The following SAMD5 variants were observed in gnomAD, a reference collection of about 807,000 sequenced individuals.
The protein encoded by SAMD5 is sterile alpha motif domain-containing protein 5.
A neutral mutation model predicts 11.3 loss-of-function variants in SAMD5; 13 were observed. The ratio of observed to expected loss-of-function variants is 1.15; its 90% CI spans 0.75 to 1.83. The LOEUF is 1.83. Among genes scored for constraint, SAMD5 ranks in the 40% most tolerant of loss-of-function variants. SAMD5 has a pLI of 0.00. For missense variants in SAMD5, 255 were observed against 239.1 expected, an observed-to-expected ratio of 1.07 and a Z score of -0.44; for synonymous variants, 129 against 111.3, an observed-to-expected ratio of 1.16 and a Z score of -1.00.
At chr6:147,665,185 A>C (rs1423602283) in intron 1 of SAMD5, among the ~76,000 whole-genome samples, 1 of 152,248 alleles carries the variant, frequency 6.6e-6, no homozygotes, top group Non-Finnish European at 1.5e-5. Context: ...ACATAGTTTA[A>C]TGTAGTTCAT....
At chr6:147,904,031 T>C in the SAMD5 span, among the ~76,000 whole-genome samples, 1 of 152,108 alleles carries the variant, frequency 6.6e-6, no homozygotes, top group Non-Finnish European at 1.5e-5. Flanking sequence ...CTGTACAAAA[T>C]GTTGCTGTAC....
chr6:147,829,223 G>T, the SAMD5 span, among the ~76,000 whole-genome samples: 10 of 152,194 alleles, frequency 6.6e-5, no homozygotes, highest in East Asian at 1.9e-3. Context: ...AGCCAGTGGA[G>T]CAAATACAGT....
At chr6:147,535,399 T>A (rs574823585) in intron 1 of SAMD5, among the ~76,000 whole-genome samples, 7 of 152,372 alleles carry the variant, frequency 4.6e-5, no homozygotes, top group African/African-American at 1.4e-4. Context: ...AAGCAAAGAT[T>A]TGAAAACATT....
the SAMD5 span, among the ~76,000 whole-genome samples, chr6:147,757,104 A>G: frequency 6.6e-6 from 1 of 152,350 alleles, no homozygotes; most frequent in East Asian, 1.9e-4. Context: ...TCGTTGAAAC[A>G]TGCTGCCATA....
intron 1 of SAMD5, among the ~76,000 whole-genome samples, chr6:147,562,063 A>T (rs1366038483): frequency 6.6e-6 from 1 of 152,202 alleles, no homozygotes; most frequent in Admixed American, 6.5e-5. Context: ...GTTTTTGTGG[A>T]ATCAGAGGCA....
chr6:147,728,281 G>A (rs1027007255), intron 1 of SAMD5, among the ~76,000 whole-genome samples: 2 of 152,050 alleles, frequency 1.3e-5, no homozygotes, highest in Admixed American at 6.6e-5. Flanking sequence ...AGCCAGACAC[G>A]GTCTTGTATG....
intron 1 of SAMD5, among the ~76,000 whole-genome samples, chr6:147,633,855 T>C (rs1790186843): frequency 6.6e-6 from 1 of 152,280 alleles, no homozygotes; most frequent in South Asian, 2.1e-4. Context: ...AATTCACCTG[T>C]TTTAAAGTAT....
the SAMD5 span, among the ~76,000 whole-genome samples, chr6:147,885,872 C>T: frequency 7.4e-4 from 112 of 152,134 alleles, no homozygotes; most frequent in African/African-American, 2.5e-3. Context: ...CTGTGGGCAG[C>T]GAAACAGCCA....
At position 147,567,341 on chromosome 6, in the gene SAMD5, C is replaced by A; in HGVS notation, c.*2885C>A. 1.0e-6 allele frequency: 1 copy of A among 985,010 alleles called. No individual in the cohort carries two copies. The highest frequency in any genetic ancestry group is 1.2e-6 in the Non-Finnish European group (1 of 829,626). The allele number at this position is 985,010 out of a possible 1,614,324, so 61.0% of individuals were successfully genotyped here. A position where few individuals can be genotyped will look rare whatever the true frequency, so the allele number is the denominator to read the frequency against. On this transcript the variant is annotated 3_prime_UTR_variant, in exon 2 of 2. Transcript: ENST00000367474. Reference sequence around the variant, plus strand: ...ATATTTATAGCATCTTGGTGTTATGCAATAAACAATGACAACAACAAGCAT... The same window carrying A: ...ATATTTATAGCATCTTGGTGTTATGAAATAAACAATGACAACAACAAGCAT...
the SAMD5 span, among the ~76,000 whole-genome samples, chr6:147,853,349 C>T: frequency 2.6e-5 from 4 of 151,900 alleles, no homozygotes; most frequent in Non-Finnish European, 5.9e-5. Context: ...GCTTTGGGCT[C>T]CTTTGAAACT....
the SAMD5 span, among the ~76,000 whole-genome samples, chr6:147,763,054 T>C: frequency 2.0e-5 from 3 of 152,078 alleles, no homozygotes; most frequent in Non-Finnish European, 2.9e-5. Context: ...CACATACCAA[T>C]GCCCCATTCC....
the SAMD5 span, among the ~76,000 whole-genome samples, chr6:147,838,651 G>A: frequency 6.6e-6 from 1 of 151,564 alleles, no homozygotes; most frequent in Non-Finnish European, 1.5e-5. Context: ...CTGAAGGAGT[G>A]AGACCACCTT....
At chr6:147,949,146 CA>C in the SAMD5 span, among the ~76,000 whole-genome samples, 1 of 152,174 alleles carries the variant, frequency 6.6e-6, no homozygotes, top group South Asian at 2.1e-4. Flanking sequence ...TTTAAATTGA[CA>C]AAGTTAGCCC....
At chr6:147,950,569 G>C in the SAMD5 span, among the ~76,000 whole-genome samples, 2 of 152,164 alleles carry the variant, frequency 1.3e-5, no homozygotes, top group African/African-American at 4.8e-5. Flanking sequence ...CAGGCTGTCA[G>C]GGACAGTTCA....
rs138611386 is a variant in SAMD5, at chr6:147,642,966, C to T, written c.163-94351C>T. On this transcript the variant is annotated intron_variant, in intron 1 of 1. Coordinates refer to the SAMD5 transcript ENST00000566741. ...AGAAGCACATGCCACTGAGGTGTGC[C>T]TAATTCTGCGAAAATAACTGTTACT... Among the ~76,000 whole-genome samples the T allele has an allele frequency of 3.9e-5, 6 of 152,276 alleles. No homozygotes were observed. In the East Asian group the frequency reaches 1.2e-3, roughly 29 times the overall value.
intron 1 of SAMD5, among the ~76,000 whole-genome samples, chr6:147,563,055 A>G (rs1044024355): frequency 1.3e-5 from 2 of 152,192 alleles, no homozygotes; most frequent in African/African-American, 2.4e-5. Context: ...TGAATATATT[A>G]AATAGTAGTA....
At chr6:147,562,369 G>A (rs1788965000) in intron 1 of SAMD5, among the ~76,000 whole-genome samples, 1 of 152,168 alleles carries the variant, frequency 6.6e-6, no homozygotes, top group African/African-American at 2.4e-5. Flanking sequence ...TCTTCTCTTG[G>A]AAGTAGTCTT....
chr6:147,530,182 TG>T (rs1788406944), intron 1 of SAMD5, among the ~76,000 whole-genome samples: 1 of 152,258 alleles, frequency 6.6e-6, no homozygotes, highest in Admixed American at 6.5e-5. Flanking sequence ...ATTTATTTTT[TG>T]TGTTTGAGAT....
intron 1 of SAMD5, among the ~76,000 whole-genome samples, chr6:147,734,572 C>G (rs1176985496): frequency 4.0e-5 from 6 of 151,258 alleles, no homozygotes; most frequent in Non-Finnish European, 8.9e-5. Flanking sequence ...AAAAATAATC[C>G]GGGCGTGTTG....
Sources: gnomAD v4.1 joint callset for allele counts (sites outside exome capture counted in the v4.1 genomes callset) on GRCh38, gnomAD v4.1.1 for gene constraint, MANE v1.5 for transcripts, NCBI Gene and HGNC (gene_info 2026-07-23, HGNC 2026-07-21) for gene names.